The following WWP2 variants were observed in gnomAD, a reference collection of about 807,000 sequenced individuals.
WWP2 encodes WW domain containing E3 ubiquitin protein ligase 2, also known as NEDD4-like E3 ubiquitin-protein ligase WWP2.
Under a neutral mutation model 121.0 loss-of-function variants are expected in WWP2, and 57 were observed. The ratio of observed to expected loss-of-function variants is 0.47; its 90% CI spans 0.38 to 0.59. The LOEUF (loss-of-function observed/expected upper bound fraction) is 0.59. WWP2 is among the 20% of genes least tolerant of loss of function. The pLI, the probability that WWP2 is intolerant of heterozygous loss-of-function variation, is 0.00. For synonymous variants in WWP2, 449 were observed against 441.3 expected, an observed-to-expected ratio of 1.02 and a Z score of -0.22; for missense variants, 962 against 1,158.9, an observed-to-expected ratio of 0.83 and a Z score of 2.47.
At chr16:69,902,799 G>A (rs980692869) in intron 8 of WWP2, among the ~76,000 whole-genome samples, 3 of 152,182 alleles carry the variant, frequency 2.0e-5, no homozygotes, top group African/African-American at 7.2e-5. Context: ...ATGTGAGTCA[G>A]CGGCCACTGA....
At position 69,937,071 on chromosome 16, in the gene WWP2, T is replaced by G; in HGVS notation, c.2118-47T>G. 1 of 1,602,996 alleles carries G rather than the reference T, an allele frequency of 6.2e-7. No individual in the cohort carries two copies. Among genetic ancestry groups the G allele is most frequent in the Non-Finnish European group, 8.5e-7 (1 of 1,172,790 alleles). On this transcript the variant is annotated intron_variant, in intron 19 of 23. Transcript: ENST00000359154. The surrounding 1 kb of genome is among the most constrained non-coding windows in gnomAD (Gnocchi z 6.6). ...ACGCGGCCTGGCCGGGAGCCACCCCTGAGCAGTGGGTCTCAGACTCCACCC... is the reference window on the plus strand; with the variant it reads ...ACGCGGCCTGGCCGGGAGCCACCCCGGAGCAGTGGGTCTCAGACTCCACCC...
In WWP2 at chr16:69,887,199, G is replaced by C. The variant is rs992677626; in HGVS notation, c.704-840G>C. Reference sequence around the variant, plus strand: ...TCATTGTCTATTATCTCAGAGAGAAGACCCTTAGCTATGAGCCCTTCTTGC... The same window carrying C: ...TCATTGTCTATTATCTCAGAGAGAACACCCTTAGCTATGAGCCCTTCTTGC... On this transcript the variant is annotated intron_variant, in intron 7 of 23. Coordinates refer to ENST00000359154, the MANE Select transcript of WWP2 (RefSeq NM_001270454.2). Among the ~76,000 whole-genome samples, 5 of 152,190 alleles carry C rather than the reference G, an allele frequency of 3.3e-5. 1 individual carries two copies. The highest frequency in any genetic ancestry group is 1.2e-4 in the African/African-American group (5 of 41,442).
intron 1 of WWP2, among the ~76,000 whole-genome samples, chr16:69,766,006 A>G (rs745479631): frequency 1.5e-4 from 23 of 152,138 alleles, no homozygotes; most frequent in Non-Finnish European, 2.9e-4. Context: ...AACAGCTTCC[A>G]TATGTGTGTC....
At chr16:69,842,453 T>C (rs752884453) in intron 6 of WWP2, among the ~76,000 whole-genome samples, 10 of 152,178 alleles carry the variant, frequency 6.6e-5, no homozygotes. Flanking sequence ...TAGTACCTGA[T>C]TGGTAGTTTT....
At chr16:69,858,807 A>G (rs1032698191) in intron 6 of WWP2, among the ~76,000 whole-genome samples, 4 of 152,298 alleles carry the variant, frequency 2.6e-5, no homozygotes, top group Middle Eastern at 3.4e-3. Context: ...AGAATAGGTA[A>G]TATCTCATTT....
intron 9 of WWP2, among the ~76,000 whole-genome samples, chr16:69,910,865 T>A (rs1597147939): frequency 6.6e-6 from 1 of 152,198 alleles, no homozygotes; most frequent in Non-Finnish European, 1.5e-5. Context: ...ACACTACTAA[T>A]CAAGCTGTCT....
chr16:69,855,031 A>T (rs937442618), intron 6 of WWP2, among the ~76,000 whole-genome samples: 6 of 151,562 alleles, frequency 4.0e-5, no homozygotes, highest in Admixed American at 1.3e-4. Context: ...AATTTTTAAA[A>T]TTTTTTGTAG....
intron 6 of WWP2, among the ~76,000 whole-genome samples, chr16:69,856,855 T>G (rs1422846264): frequency 2.0e-5 from 3 of 152,188 alleles, no homozygotes; most frequent in Non-Finnish European, 2.9e-5. Flanking sequence ...CCCAGCTTCC[T>G]TTTGTTTTGT....
rs1192320841 is a variant in WWP2 at position 69,871,862 on chromosome 16, C to G, written c.634C>G (p.Pro212Ala). The change falls in exon 7 of 24, where the codon CCC (proline) becomes GCC (alanine). Residue 212 changes from proline (P) to alanine (A), a missense_variant. Around this residue, in one of 3 missense-constraint regions of WWP2, gnomAD observed 211 missense variants for 196.5 expected, o/e 1.07. Transcript: ENST00000359154. Reference sequence around the variant, plus strand: ...AACCCCAGCAACCGGCGAGCAAAGCCCCGGTGCTCGGAGCCGGCACCGCCA... The same window carrying G: ...AACCCCAGCAACCGGCGAGCAAAGCGCCGGTGCTCGGAGCCGGCACCGCCA... ...RTTPATGEQS[P>A]GARSRHRQPV... 4.3e-6 allele frequency: 7 copies of G among 1,613,954 alleles called. No homozygotes were observed. Among genetic ancestry groups the G allele is most frequent in the Non-Finnish European group, 5.1e-6 (6 of 1,180,040 alleles).
intron 5 of WWP2, among the ~76,000 whole-genome samples, chr16:69,841,645 G>T (rs990422383): frequency 6.6e-6 from 1 of 152,118 alleles, no homozygotes; most frequent in Non-Finnish European, 1.5e-5. Context: ...CTCTCTGGGT[G>T]TATTATGGAG....
chr16:69,940,687 G>A lies in WWP2; in HGVS notation c.*747G>A, dbSNP rs1286691048. On this transcript the variant is annotated 3_prime_UTR_variant, in exon 24 of 24. Transcript: ENST00000359154. ...TACGCTGCTGTCACTTTCTGTCCAG[G>A]AGCTGGCACCCCAGGTGTTCTGAGA... is the stretch of plus-strand genomic sequence containing the variant. The A allele has an allele frequency of 6.6e-6, 1 of 152,276 alleles. No individual in the cohort carries two copies. Among genetic ancestry groups the A allele is most frequent in the Admixed American group, 6.5e-5 (1 of 15,276 alleles). The allele number at this position is 152,276 out of a possible 1,614,324, so 9.4% of individuals were successfully genotyped here. A position where few individuals can be genotyped will look rare whatever the true frequency, so the allele number is the denominator to read the frequency against.
intron 6 of WWP2, among the ~76,000 whole-genome samples, chr16:69,866,154 A>G (rs1199700072): frequency 2.6e-5 from 4 of 152,090 alleles, no homozygotes; most frequent in Non-Finnish European, 5.9e-5. Context: ...GGATTTTATT[A>G]TTATTTCTCA....
intron 1 of WWP2, among the ~76,000 whole-genome samples, chr16:69,782,475 A>G (rs2055685245): frequency 6.6e-6 from 1 of 152,134 alleles, no homozygotes; most frequent in African/African-American, 2.4e-5. Flanking sequence ...GCAGTTAAAG[A>G]ACAAAAGGGT....
intron 1 of WWP2, among the ~76,000 whole-genome samples, chr16:69,764,892 G>A (rs1294643204): frequency 2.0e-5 from 3 of 152,110 alleles, no homozygotes; most frequent in Non-Finnish European, 4.4e-5. Context: ...TGGATTTATT[G>A]GGTTAAATAC....
chr16:69,813,116 T>C (rs967435628), intron 4 of WWP2, among the ~76,000 whole-genome samples: 14 of 152,062 alleles, frequency 9.2e-5, no homozygotes, highest in Admixed American at 5.9e-4. Flanking sequence ...CTTCTACTCA[T>C]GGATTCAGAT....
rs1286793530 is a variant in WWP2, at chr16:69,935,642, A to T, written c.1843-211A>T. On this transcript the variant is annotated intron_variant, in intron 17 of 23. Transcript: ENST00000359154. The surrounding 1 kb of genome is among the most constrained non-coding windows in gnomAD (Gnocchi z 5.2). ...GCCCAGTCCTTGCGGTCTGCAGGGC[A>T]GGGTGGGAGTCCCTCTGTAGGTACA... Among the ~76,000 whole-genome samples the T allele has an allele frequency of 6.6e-6, 1 of 152,216 alleles. No homozygotes were observed. Among genetic ancestry groups the T allele is most frequent in the African/African-American group, 2.4e-5 (1 of 41,468 alleles).
At chr16:69,848,203 C>T (rs1042350532) in intron 6 of WWP2, among the ~76,000 whole-genome samples, 2 of 152,144 alleles carry the variant, frequency 1.3e-5, no homozygotes, top group African/African-American at 4.8e-5. Context: ...GTAATCCCAG[C>T]GCTTTGGGAG....
chr16:69,802,461 T>A (rs1186246274), intron 4 of WWP2, among the ~76,000 whole-genome samples: 6 of 152,210 alleles, frequency 3.9e-5, no homozygotes, highest in Non-Finnish European at 7.3e-5. Context: ...TTTCTGCTTC[T>A]GTGAATTTGG....
At chr16:69,889,401 A>C (rs1223139774) in intron 8 of WWP2, among the ~76,000 whole-genome samples, 4 of 152,214 alleles carry the variant, frequency 2.6e-5, no homozygotes, top group African/African-American at 9.7e-5. Context: ...AGGGAAGTTC[A>C]AGTTTGGTTA....
Sources: allele counts gnomAD v4.1 joint callset (sites outside exome capture counted in the v4.1 genomes callset), GRCh38; gene constraint gnomAD v4.1.1; regional missense constraint gnomAD v4.1.1; non-coding constraint Gnocchi (gnomAD v3.1); transcripts MANE v1.5; gene names NCBI Gene and HGNC (gene_info 2026-07-23, HGNC 2026-07-21).